DUSP18: variants seen among roughly 807,000 people sequenced by gnomAD.
DUSP18 encodes dual specificity phosphatase 18, also known as dual specificity protein phosphatase 18.
DUSP18 carries 4 observed loss-of-function variants against 6.3 expected under a neutral mutation model. That is an observed-to-expected ratio of 0.63 (90% CI 0.31 to 1.45). The LOEUF (loss-of-function observed/expected upper bound fraction) is 1.45. Ranked by LOEUF, DUSP18 falls within the 40% of genes most tolerant of loss-of-function variation. The pLI, the probability that DUSP18 is intolerant of heterozygous loss-of-function variation, is 0.07. For missense variants in DUSP18, 235 were observed against 247.7 expected, an observed-to-expected ratio of 0.95 and a Z score of 0.34; for synonymous variants, 96 against 95.1, an observed-to-expected ratio of 1.01 and a Z score of -0.05.
chr22:30,666,108 T>C (rs1210686845), intron 1 of DUSP18, among the ~76,000 whole-genome samples: 1 of 152,202 alleles, frequency 6.6e-6, no homozygotes, highest in Non-Finnish European at 1.5e-5. Context: ...AAAAGCCTCC[T>C]GAACCCAGAT....
chr22:30,665,462 C>T (rs1569074237), intron 1 of DUSP18: 1 of 464,928 alleles, frequency 2.2e-6, no homozygotes, highest in Non-Finnish European at 4.5e-6. Flanking sequence ...CCCTGCTGAT[C>T]TCTCAGTCTC....
intron 2 of DUSP18, among the ~76,000 whole-genome samples, chr22:30,655,550 C>T (rs1319268524): frequency 6.6e-6 from 1 of 151,344 alleles, no homozygotes; most frequent in Non-Finnish European, 1.5e-5. Context: ...AATGTTTTGC[C>T]AAGGGCACGT....
chr22:30,665,628 C>T (rs1235793174), intron 1 of DUSP18: 6 of 453,274 alleles, frequency 1.3e-5, no homozygotes, highest in Admixed American at 2.4e-5. Flanking sequence ...CTGCTCCAGG[C>T]TTTCTTAGCC....
chr22:30,654,458 C>T, intron 2 of DUSP18: 1 of 438,214 alleles, frequency 2.3e-6, no homozygotes, highest in Non-Finnish European at 4.5e-6. Flanking sequence ...GCAGGAACCA[C>T]CACCTGCTTT....
rs2088532694 is a variant in DUSP18 at position 30,663,312 on chromosome 22, C to T, written c.*125G>A. The T allele has an allele frequency of 2.2e-6, 2 of 925,026 alleles. No homozygotes were observed. Among genetic ancestry groups the T allele is most frequent in the Admixed American group, 2.9e-5 (1 of 34,660 alleles). 57.3% of individuals were successfully genotyped at this position (925,026 alleles called of 1,614,324 possible). On this transcript the variant is annotated 3_prime_UTR_variant, in exon 2 of 2. Coordinates refer to ENST00000334679, the MANE Select transcript of DUSP18 (RefSeq NM_152511.5). ...AAAGCTACAGCAACTCTTTTTTGTG[C>T]TCATAAAAGGCATCATCTGTTTTTT...
At chr22:30,659,495 TC>T (rs1283018699), downstream of DUSP18, among the ~76,000 whole-genome samples, 3 of 151,922 alleles carry the variant, frequency 2.0e-5, no homozygotes, top group Non-Finnish European at 4.4e-5. Context: ...CGCCTCAGCC[TC>T]CCGGGTAGCT....
chr22:30,661,444 C>CTTTTTTTTTTTTTTTTTTTTTTTTT (rs56242112), downstream of DUSP18: 2 of 136,476 alleles, frequency 1.5e-5, no homozygotes, highest in Non-Finnish European at 1.5e-5. Context: ...TTTTCTTTTT[C>CTTTTTTTTTTTTTTTTTTTTTTTTT]TTTTTTTTTT....
downstream of DUSP18, among the ~76,000 whole-genome samples, chr22:30,658,111 ATT>A (rs997985700): frequency 4.8e-5 from 7 of 146,268 alleles, no homozygotes; most frequent in African/African-American, 7.5e-5. Flanking sequence ...TTCAAAATAA[ATT>A]TTTTTTTTTA....
chr22:30,661,273 CT>C (rs1260496449), downstream of DUSP18, among the ~76,000 whole-genome samples: 1 of 152,080 alleles, frequency 6.6e-6, no homozygotes. Flanking sequence ...TGCTCAAAAT[CT>C]AAAACTTTTT....
chr22:30,660,566 G>A (rs1280200013), downstream of DUSP18, among the ~76,000 whole-genome samples: 1 of 152,198 alleles, frequency 6.6e-6, no homozygotes, highest in Admixed American at 6.5e-5. Context: ...AGAAGTACAG[G>A]ACAGTATGGT....
At chr22:30,657,836 G>A (rs190509297), downstream of DUSP18, among the ~76,000 whole-genome samples, 4 of 151,010 alleles carry the variant, frequency 2.6e-5, no homozygotes, top group Admixed American at 6.6e-5. Flanking sequence ...CTCGGGAGGC[G>A]GAGCTTGCAG....
rs1333504149 is a variant in DUSP18 at position 30,655,582 on chromosome 22, GGCCT to G, written c.*34-3289_*34-3286del. On this transcript the variant is annotated intron_variant, in intron 2 of 2. Transcript: ENST00000404885. ...ACGTCTAGCATGTCTCCCAGAAATG[GGCCT>G]GCCTTAGTATCCCTTCCATACCCAG... Among the ~76,000 whole-genome samples the G allele has an allele frequency of 2.0e-5, 3 of 151,934 alleles. No homozygotes were observed. The East Asian group carries it at 5.8e-4, about 29-fold the overall frequency.
At chr22:30,665,994 A>G (rs1257989359) in intron 1 of DUSP18, among the ~76,000 whole-genome samples, 1 of 152,180 alleles carries the variant, frequency 6.6e-6, no homozygotes, top group African/African-American at 2.4e-5. Context: ...AAGGTTGTAT[A>G]GGCAAATCCT....
downstream of DUSP18, among the ~76,000 whole-genome samples, chr22:30,657,507 C>G (rs371160943): frequency 1.3e-5 from 2 of 150,942 alleles, no homozygotes; most frequent in South Asian, 4.2e-4. Context: ...GCCTATAATC[C>G]CAGCACTTTG....
chr22:30,666,168 CAT>C (rs2088650769), intron 1 of DUSP18, among the ~76,000 whole-genome samples: 1 of 152,116 alleles, frequency 6.6e-6, no homozygotes, highest in Non-Finnish European at 1.5e-5. Flanking sequence ...TCAGAAAATC[CAT>C]AGAGAAGTGA....
chr22:30,653,894 G>C (rs2088276610), intron 2 of DUSP18: 1 of 163,406 alleles, frequency 6.1e-6, no homozygotes, highest in East Asian at 1.4e-4. Flanking sequence ...AGGAGTCCAT[G>C]GGTCTTGAGG....
rs564549047 is a variant in DUSP18 at position 30,656,294 on chromosome 22, T to A, written c.*34-3997A>T. ...ACTTGGACTCTAAGGGCATTTGGATTTAACATCCCAGGATAGGAAAGCAGG... is the reference window on the plus strand; with the variant it reads ...ACTTGGACTCTAAGGGCATTTGGATATAACATCCCAGGATAGGAAAGCAGG... On this transcript the variant is annotated intron_variant, in intron 2 of 2. Coordinates refer to the DUSP18 transcript ENST00000404885. Among the ~76,000 whole-genome samples the A allele has an allele frequency of 1.7e-4, 26 of 152,170 alleles. 1 individual carries two copies. The South Asian group carries it at 5.4e-3, about 32-fold the overall frequency.
Position 30,667,837 on chromosome 22 carries a change from G to C in DUSP18, c.-453C>G, listed in dbSNP as rs1313173606. ...GCCGGGTCGCACCAGGGCTGCAGCC[G>C]AGAGACAGTCTCACCGCTTCCGTAG... is the stretch of plus-strand genomic sequence containing the variant. On this transcript the variant is annotated 5_prime_UTR_variant, in exon 1 of 2. Coordinates refer to ENST00000334679, the MANE Select transcript of DUSP18 (RefSeq NM_152511.5). 2.0e-5 allele frequency: 3 copies of C among 152,650 alleles called. No homozygotes were observed. Among genetic ancestry groups the C allele is most frequent in the South Asian group, 4.1e-4 (2 of 4,836 alleles). 9.5% of individuals were successfully genotyped at this position (152,650 alleles called of 1,614,324 possible).
chr22:30,656,304 A>G (rs2088337462), intron 2 of DUSP18, among the ~76,000 whole-genome samples: 1 of 152,108 alleles, frequency 6.6e-6, no homozygotes, highest in Admixed American at 6.5e-5. Context: ...TTAACATCCC[A>G]GGATAGGAAA....
Sources: gnomAD v4.1 joint callset for allele counts (sites outside exome capture counted in the v4.1 genomes callset) on GRCh38, gnomAD v4.1.1 for gene constraint, MANE v1.5 for transcripts, NCBI Gene and HGNC (gene_info 2026-07-23, HGNC 2026-07-21) for gene names.